The following RNF207 variants were observed in gnomAD, a reference collection of about 807,000 sequenced individuals.
The protein encoded by RNF207 is OTTHUMG00000001089.
Under a neutral mutation model 79.0 loss-of-function variants are expected in RNF207, and 72 were observed. The ratio of observed to expected loss-of-function variants is 0.91; its 90% CI spans 0.75 to 1.11. RNF207 has a LOEUF of 1.11. RNF207 is among the 50% of genes least tolerant of loss of function. RNF207 has a pLI of 0.00. For synonymous variants in RNF207, 348 were observed against 366.2 expected, an observed-to-expected ratio of 0.95 and a Z score of 0.57; for missense variants, 936 against 855.8, an observed-to-expected ratio of 1.09 and a Z score of -1.17.
At chr1:6,208,854 G>T (rs1477760591) in intron 3 of RNF207, 27 bp from the exon 4 acceptor site, 1 of 1,517,738 alleles carries the variant, frequency 6.6e-7, no homozygotes, top group Admixed American at 2.1e-5. Context: ...GGGCTCTGGC[G>T]CTCCTGAGCC....
Position 6,211,169 on chromosome 1 carries a change from G to T in RNF207, c.1109+51G>T. On this transcript the variant is annotated intron_variant, in intron 12 of 17. Coordinates refer to ENST00000377939, the MANE Select transcript of RNF207 (RefSeq NM_207396.3). This position sits in a 1 kb window ranked among gnomAD's most constrained non-coding sequence, Gnocchi z 4.2. ...CACAAGGTCCCCAACACTGGGGTGT[G>T]GGGGAGGGTGGGCGCTGAGGGGCCA... 2 of 1,274,630 alleles carry T rather than the reference G, an allele frequency of 1.6e-6. No individual in the cohort carries two copies. Among genetic ancestry groups the T allele is most frequent in the South Asian group, 1.4e-5 (1 of 74,022 alleles). 79.0% of individuals were successfully genotyped at this position (1,274,630 alleles called of 1,614,324 possible).
intron 2 of RNF207, among the ~76,000 whole-genome samples, 154 bp downstream of exon 2, chr1:6,206,880 C>T (rs980471510): frequency 1.3e-5 from 2 of 152,172 alleles, no homozygotes; most frequent in Non-Finnish European, 2.9e-5. Context: ...TAGCTCTCCC[C>T]GCCAGAAGTT....
At chr1:6,212,080 G>A (rs1056988746) in intron 13 of RNF207, 27 bp downstream of exon 13, 9 of 1,578,282 alleles carry the variant, frequency 5.7e-6, no homozygotes, top group Non-Finnish European at 6.9e-6. Flanking sequence ...CTGCCGGAGG[G>A]GGGAGATGTC....
intron 16 of RNF207, among the ~76,000 whole-genome samples, chr1:6,213,985 G>T (rs1668273302): frequency 6.6e-6 from 1 of 152,218 alleles, no homozygotes; most frequent in Admixed American, 6.5e-5. Context: ...GTGCCTGTCA[G>T]GTTTTAGGGG....
chr1:6,215,759 T>C (rs1172833009), intron 16 of RNF207, among the ~76,000 whole-genome samples: 3 of 151,950 alleles, frequency 2.0e-5, no homozygotes, highest in Non-Finnish European at 4.4e-5. Context: ...ACCTCCCAGG[T>C]TCAATCGATT....
At chr1:6,214,626 C>CTTTTTTTTTTTTTT (rs1553148919) in intron 16 of RNF207, among the ~76,000 whole-genome samples, 2 of 95,608 alleles carry the variant, frequency 2.1e-5, no homozygotes, top group Non-Finnish European at 1.9e-5. Flanking sequence ...TGGAATATTT[C>CTTTTTTTTTTTTTT]TTTCTTTTTT....
Position 6,206,669 on chromosome 1 carries a change from G to T in RNF207, c.134G>T (p.Cys45Phe). Residue 45 changes from cysteine to phenylalanine, a missense_variant, in exon 2 of 18, where the codon TGT becomes TTT. Transcript: ENST00000377939. ...CTTCTGGACTGTTTCCACGACTTCT[G>T]TGCCGGCTGCCTGCGTGGCCGCGCG... ...PCLLDCFHDF[C>F]AGCLRGRATD... The T allele has an allele frequency of 6.2e-7, 1 of 1,606,706 alleles. No individual in the cohort carries two copies. The highest frequency in any genetic ancestry group is 8.5e-7 in the Non-Finnish European group (1 of 1,179,844).
At chr1:6,218,734 T>G (rs929660071) in intron 17 of RNF207, among the ~76,000 whole-genome samples, 4 of 152,100 alleles carry the variant, frequency 2.6e-5, no homozygotes, top group Non-Finnish European at 4.4e-5. Context: ...TGCGCCCCAG[T>G]ACCTGCCAGA....
rs749617574 is a variant in RNF207 at position 6,218,270 on chromosome 1, GTGCCCACTCCCT to G, written c.1653-14_1653-3del. 3.1e-6 allele frequency: 5 copies of G among 1,600,562 alleles called. No individual in the cohort carries two copies. The highest frequency in any genetic ancestry group is 4.3e-6 in the Non-Finnish European group (5 of 1,167,930). ...CTGGCTCTGCTCCCTTGAGATTCTGGTGCCCACTCCCTTGCCAGGTTTCAGGCACCCGTGGAT... is the reference window on the plus strand; with the variant it reads ...CTGGCTCTGCTCCCTTGAGATTCTGGTGCCAGGTTTCAGGCACCCGTGGAT... On this transcript the variant is annotated splice_region_variant and splice_polypyrimidine_tract_variant and intron_variant, in intron 16 of 17. Transcript: ENST00000377939.
rs530360635 is a variant in RNF207 at position 6,211,763 on chromosome 1, G to GA, written c.1110-103dup. The GA allele has an allele frequency of 5.7e-4, 435 of 766,746 alleles. 3 individuals carry two copies. The East Asian group carries it at 8.0e-3, about 14-fold the overall frequency. The allele number at this position is 766,746 out of a possible 1,614,324, so 47.5% of individuals were successfully genotyped here. A position where few individuals can be genotyped will look rare whatever the true frequency, so the allele number is the denominator to read the frequency against. ...TGGCTCTGCTGTGCTCCAGGTGGTG[G>GA]AGAGGGCTGTGAGATCCCGGAGCAG... On this transcript the variant is annotated intron_variant, in intron 12 of 17. Coordinates refer to ENST00000377939, the MANE Select transcript of RNF207 (RefSeq NM_207396.3). This position sits in a 1 kb window ranked among gnomAD's most constrained non-coding sequence, Gnocchi z 4.2.
At chr1:6,218,250 T>C (rs1668427268) in intron 16 of RNF207, 39 bp from the exon 17 acceptor site, 1 of 1,460,770 alleles carries the variant, frequency 6.8e-7, no homozygotes, top group East Asian at 2.3e-5. Flanking sequence ...AGCAGCTGGC[T>C]CTGCTCCCTT....
At chr1:6,208,855 C>G (rs1668022743) in intron 3 of RNF207, 26 bp from the exon 4 acceptor site, 4 of 1,520,010 alleles carry the variant, frequency 2.6e-6, no homozygotes, top group Non-Finnish European at 2.6e-6. Flanking sequence ...GGCTCTGGCG[C>G]TCCTGAGCCC....
rs1667947522 is a variant in RNF207, at chr1:6,207,291, T to G, written c.192-88T>G. 7.2e-7 allele frequency: 1 copy of G among 1,394,972 alleles called. No individual in the cohort carries two copies. The highest frequency in any genetic ancestry group is 1.5e-5 in the South Asian group (1 of 68,520). 86.4% of individuals were successfully genotyped at this position (1,394,972 alleles called of 1,614,324 possible). Reference sequence around the variant, plus strand: ...GCACCCCACCTCCCAACACAGCTATTTTTAGCTCCAGCCTGGAATGTGAGG... The same window carrying G: ...GCACCCCACCTCCCAACACAGCTATGTTTAGCTCCAGCCTGGAATGTGAGG... On this transcript the variant is annotated intron_variant, in intron 2 of 17. Transcript: ENST00000377939. This position sits in a 1 kb window ranked among gnomAD's most constrained non-coding sequence, Gnocchi z 4.5.
rs1339088293 is a variant in RNF207, at chr1:6,206,238, AAG to A, written c.-62_-61del. 1.4e-5 allele frequency: 5 copies of A among 357,524 alleles called. No individual in the cohort carries two copies. The highest frequency in any genetic ancestry group is 2.5e-5 in the Non-Finnish European group (5 of 198,700). 22.1% of individuals were successfully genotyped at this position (357,524 alleles called of 1,614,324 possible). The stretch of plus-strand genomic sequence containing the variant: ...TCAGAGCGCGGCCCGGAGCCGCACT[AAG>A]AGCGCTGGACGGCGGGAGAGAGGCT... On this transcript the variant is annotated 5_prime_UTR_variant, in exon 1 of 18. Coordinates refer to ENST00000377939, the MANE Select transcript of RNF207 (RefSeq NM_207396.3).
At chr1:6,218,563 A>C (rs735385) in intron 17 of RNF207, among the ~76,000 whole-genome samples, 194 bp downstream of exon 17, 1,589 of 152,314 alleles carry the variant, frequency 0.01, 18 homozygotes, top group African/African-American at 0.035. Context: ...TAGATAAAAC[A>C]GGTGTTCCTT....
Position 6,206,448 on chromosome 1 carries a change from A to G in RNF207, c.1-88A>G, listed in dbSNP as rs146041008. 8,838 of 960,972 alleles carry G rather than the reference A, an allele frequency of 9.2e-3. 178 individuals carry two copies. The highest frequency in any genetic ancestry group is 0.07 in the African/African-American group (4,154 of 59,692). 59.5% of individuals were successfully genotyped at this position (960,972 alleles called of 1,614,324 possible). On this transcript the variant is annotated intron_variant, in intron 1 of 17. Coordinates refer to ENST00000377939, the MANE Select transcript of RNF207 (RefSeq NM_207396.3). ...CCAGTCGGGTCCAGGCGCGATAGGG[A>G]GGGCGCGGGCGCCCGGGCAGAGGGG...
rs1421855746 is a variant in RNF207, at chr1:6,210,901, C to T, written c.974C>T (p.Thr325Met). 5.0e-6 allele frequency: 8 copies of T among 1,605,452 alleles called. No homozygotes were observed. The highest frequency in any genetic ancestry group is 3.4e-5 in the Admixed American group (2 of 58,856). Residue 325 changes from threonine (T) to methionine (M), a missense_variant, in exon 11 of 18, where the codon ACG becomes ATG. By Grantham distance (81) the Thr-to-Met change is moderately conservative. Coordinates refer to ENST00000377939, the MANE Select transcript of RNF207 (RefSeq NM_207396.3). ...ATGGAGAGGCTGCAGGGCATCGTCA[C>T]GCGGCCGCACCACCTAAGGCCTATT... is the stretch of plus-strand genomic sequence containing the variant. ...ELMERLQGIV[T>M]RPHHLRPIQS... is the part of the protein sequence containing the mutation.
chr1:6,215,845 A>C (rs369400918), intron 16 of RNF207, among the ~76,000 whole-genome samples: 7 of 152,124 alleles, frequency 4.6e-5, no homozygotes, highest in Admixed American at 3.9e-4. Context: ...GTAGGTTTCT[A>C]TCTTCCAGGC....
Position 6,206,246 on chromosome 1 carries a change from T to C in RNF207, c.-57T>C, listed in dbSNP as rs1183876415. 1.3e-5 allele frequency: 5 copies of C among 388,300 alleles called. No individual in the cohort carries two copies. The highest frequency in any genetic ancestry group is 2.3e-5 in the Non-Finnish European group (5 of 217,902). 24.1% of individuals were successfully genotyped at this position (388,300 alleles called of 1,614,324 possible). A position where few individuals can be genotyped will look rare whatever the true frequency, so the allele number is the denominator to read the frequency against. Reference sequence around the variant, plus strand: ...CGGCCCGGAGCCGCACTAAGAGCGCTGGACGGCGGGAGAGAGGCTCGGAGG... The same window carrying C: ...CGGCCCGGAGCCGCACTAAGAGCGCCGGACGGCGGGAGAGAGGCTCGGAGG... On this transcript the variant is annotated 5_prime_UTR_variant, in exon 1 of 18. Coordinates refer to ENST00000377939, the MANE Select transcript of RNF207 (RefSeq NM_207396.3).
Sources: gnomAD v4.1 joint callset for allele counts (sites outside exome capture counted in the v4.1 genomes callset) on GRCh38, gnomAD v4.1.1 for gene constraint, Gnocchi (gnomAD v3.1) non-coding constraint, MANE v1.5 for transcripts, NCBI Gene and HGNC (gene_info 2026-07-23, HGNC 2026-07-21) for gene names.